The following SUMF2 variants were observed in gnomAD, a reference collection of about 807,000 sequenced individuals.
SUMF2 encodes the protein inactive C-alpha-formylglycine-generating enzyme 2.
In SUMF2, 45 loss-of-function variants were observed where a neutral mutation model predicts 44.8. That is an observed-to-expected ratio of 1.00 (90% CI 0.79 to 1.29). SUMF2 has a LOEUF of 1.29. SUMF2 is among the 50% of genes most tolerant of loss of function. SUMF2 has a pLI of 0.00. For missense variants in SUMF2, 418 were observed against 389.9 expected (o/e 1.07, Z -0.61); for synonymous variants, 148 against 150.4 (o/e 0.98, Z 0.12).
At chr7:56,082,154 C>T (rs17172508), downstream of SUMF2, 292,656 of 1,612,058 alleles carry the variant, frequency 0.18, 28,258 homozygotes, top group African/African-American at 0.23. Context: ...CCTTTCCCGG[C>T]GCACTCACAT....
At chr7:56,081,844 C>T (rs372050246), downstream of SUMF2, 1 of 1,609,848 alleles carries the variant, frequency 6.2e-7, no homozygotes. The surrounding 1 kb of genome is among the most constrained non-coding windows in gnomAD (Gnocchi z 4.6). Flanking sequence ...GGCAGGGGCG[C>T]CTGGCATCGC....
downstream of SUMF2, among the ~76,000 whole-genome samples, chr7:56,084,731 A>G (rs1796182800): frequency 6.6e-6 from 1 of 152,074 alleles, no homozygotes; most frequent in Non-Finnish European, 1.5e-5. Flanking sequence ...CAAGAGTTGC[A>G]GGAGCAAAGT....
chr7:56,072,484 G>A (rs1348052917), intron 2 of SUMF2, among the ~76,000 whole-genome samples: 1 of 149,742 alleles, frequency 6.7e-6, no homozygotes, highest in Non-Finnish European at 1.5e-5. Context: ...CAGCCCTTTG[G>A]GAGGCCGAGG....
chr7:56,073,475 C>A, intron 3 of SUMF2: 1 of 321,388 alleles, frequency 3.1e-6, no homozygotes, highest in Non-Finnish European at 6.2e-6. Flanking sequence ...GAAACCCCGT[C>A]TATACTAAAA....
At chr7:56,081,215 G>T (rs368652644), downstream of SUMF2, 1 of 1,613,804 alleles carries the variant, frequency 6.2e-7, no homozygotes, top group South Asian at 1.1e-5. The surrounding 1 kb of genome is among the most constrained non-coding windows in gnomAD (Gnocchi z 4.6). Context: ...TAGGGGTCTC[G>T]GATGACGATC....
At chr7:56,070,491 A>T (rs1365130552) in intron 2 of SUMF2, among the ~76,000 whole-genome samples, 1 of 151,832 alleles carries the variant, frequency 6.6e-6, no homozygotes, top group African/African-American at 2.4e-5. Context: ...TTAGCCCTTC[A>T]TGGTAGCACA....
In SUMF2 at chr7:56,073,128, T is replaced by G. The variant is rs754263494; in HGVS notation, c.339+17T>G. Reference sequence around the variant, plus strand: ...CCAATGAAGGTGAGAGAACCTGGTCTTGCAGCTGAGGGGATAGGAGTGGGA... The same window carrying G: ...CCAATGAAGGTGAGAGAACCTGGTCGTGCAGCTGAGGGGATAGGAGTGGGA... On this transcript the variant is annotated intron_variant, in intron 3 of 8. Transcript: ENST00000434526. 1 of 1,601,052 alleles carries G rather than the reference T, an allele frequency of 6.2e-7. No homozygotes were observed.
intron 5 of SUMF2, 127 bp from the exon 6 acceptor site, chr7:56,076,707 G>A: frequency 1.2e-6 from 1 of 828,588 alleles, no homozygotes; most frequent in Non-Finnish European, 1.9e-6. Flanking sequence ...AATAAAAGCA[G>A]GTCATTCACT....
At chr7:56,080,778 G>C (rs1034923948), downstream of SUMF2, 62 of 497,640 alleles carry the variant, frequency 1.2e-4, no homozygotes, top group African/African-American at 1.1e-3. Context: ...GCTCATCTAG[G>C]AAGTAGAGGA....
At chr7:56,086,773 C>T in the SUMF2 span, 348 of 581,658 alleles carry the variant, frequency 6.0e-4, 2 homozygotes, top group Middle Eastern at 8.1e-3. Flanking sequence ...AAGAAATGAT[C>T]CAGCCCACAA....
At chr7:56,079,042 G>T in intron 8 of SUMF2, 1 of 556,208 alleles carries the variant, frequency 1.8e-6, no homozygotes, top group Non-Finnish European at 3.2e-6. Flanking sequence ...GACTACAGGT[G>T]CGGCTAATTT....
At chr7:56,077,521 C>T (rs1795643712) in intron 6 of SUMF2, among the ~76,000 whole-genome samples, 1 of 151,112 alleles carries the variant, frequency 6.6e-6, no homozygotes, top group African/African-American at 2.4e-5. Flanking sequence ...ATGAGCTGGG[C>T]ATGGTGGCAT....
downstream of SUMF2, chr7:56,083,568 G>C (rs1584623074): frequency 4.7e-6 from 7 of 1,487,740 alleles, no homozygotes; most frequent in East Asian, 1.6e-4. Flanking sequence ...ACATGTGCAC[G>C]CCCTGCCTCC....
chr7:56,071,526 C>A lies in SUMF2; in HGVS notation c.225-1471C>A, dbSNP rs576218543. ...GATTGGTTGGGCGCAGTGGCTCACA[C>A]CTGTAATCCCAGCACTTTGGGAGGC... is the stretch of plus-strand genomic sequence containing the variant. On this transcript the variant is annotated intron_variant, in intron 2 of 8. Coordinates refer to ENST00000434526, the MANE Select transcript of SUMF2 (RefSeq NM_015411.4). 1.2e-3 allele frequency among the ~76,000 whole-genome samples: 188 copies of A among 151,662 alleles called. 1 individual carries two copies. Among genetic ancestry groups the A allele is most frequent in the South Asian group, 6.1e-3 (29 of 4,788 alleles).
downstream of SUMF2, chr7:56,083,701 TC>T: frequency 6.3e-7 from 1 of 1,579,108 alleles, no homozygotes; most frequent in Non-Finnish European, 8.6e-7. Context: ...GTCAAAGAGC[TC>T]CCCTCTCTTC....
At chr7:56,069,596 T>C (rs560381559) in intron 2 of SUMF2, among the ~76,000 whole-genome samples, 1 of 152,108 alleles carries the variant, frequency 6.6e-6, no homozygotes, top group South Asian at 2.1e-4. Flanking sequence ...TTATTATTAT[T>C]ATTGTTATTG....
At chr7:56,084,442 C>T (rs957059439), downstream of SUMF2, among the ~76,000 whole-genome samples, 8 of 148,004 alleles carry the variant, frequency 5.4e-5, no homozygotes, top group South Asian at 2.1e-4. Flanking sequence ...GATGCAATCT[C>T]GGCTCACTGC....
downstream of SUMF2, chr7:56,081,218 TGAC>T (rs752373748): frequency 1.3e-5 from 21 of 1,613,824 alleles, no homozygotes; most frequent in South Asian, 2.3e-4. This position sits in a 1 kb window ranked among gnomAD's most constrained non-coding sequence, Gnocchi z 4.6. Flanking sequence ...GGGTCTCGGA[TGAC>T]GATCTCCCGG....
At chr7:56,076,951 GTGT>G in intron 6 of SUMF2, 62 bp downstream of exon 6, 1 of 1,518,696 alleles carries the variant, frequency 6.6e-7, no homozygotes, top group Admixed American at 1.9e-5. Context: ...GCTGGGCACT[GTGT>G]TGTTAGGCCG....
Sources: gnomAD v4.1 joint callset for allele counts (sites outside exome capture counted in the v4.1 genomes callset) on GRCh38, gnomAD v4.1.1 for gene constraint, Gnocchi (gnomAD v3.1) non-coding constraint, MANE v1.5 for transcripts, NCBI Gene and HGNC (gene_info 2026-07-23, HGNC 2026-07-21) for gene names.